HERC3: variants seen among roughly 807,000 people sequenced by gnomAD.
HERC3 encodes the protein HECT and RLD domain containing E3 ubiquitin protein ligase 3, also known as probable E3 ubiquitin-protein ligase HERC3.
A neutral mutation model predicts 129.9 loss-of-function variants in HERC3; 58 were observed. That is an observed-to-expected ratio of 0.45 (90% CI 0.36 to 0.56). The LOEUF (loss-of-function observed/expected upper bound fraction) is 0.56. Among genes scored for constraint, HERC3 ranks in the 20% least tolerant of loss-of-function variants. HERC3 has a pLI of 0.00. For missense variants in HERC3, 835 were observed against 1,244.2 expected, an observed-to-expected ratio of 0.67 and a Z score of 4.95; for synonymous variants, 430 against 451.0, an observed-to-expected ratio of 0.95 and a Z score of 0.59.
intron 2 of HERC3, among the ~76,000 whole-genome samples, chr4:88,601,795 G>A (rs1299049195): frequency 0.16 from 20,421 of 125,230 alleles, 4,432 homozygotes; most frequent in African/African-American, 0.53. Context: ...GGTGGCTTAC[G>A]CCTGTAATCC....
chr4:88,544,887 A>G, the HERC3 span, among the ~76,000 whole-genome samples: 1 of 152,050 alleles, frequency 6.6e-6, no homozygotes, highest in Non-Finnish European at 1.5e-5. Context: ...AGCATCACAC[A>G]CTGGGGCCTG....
rs532515500 is a variant in HERC3, at chr4:88,595,841, C to CTTT, written c.-30+252_-30+254dup. On this transcript the variant is annotated intron_variant, in intron 2 of 25. Transcript: ENST00000402738. ...TGGTCTCTGCTTCAAGCACTTAATT[C>CTTT]TTTTTTTTTTTTTTTTTTTTTTTTT... is the stretch of plus-strand genomic sequence containing the variant. 3.2e-4 allele frequency among the ~76,000 whole-genome samples: 26 copies of CTTT among 80,244 alleles called. 1 individual carries two copies. Among genetic ancestry groups the CTTT allele is most frequent in the East Asian group, 4.6e-4 (1 of 2,196 alleles). The allele number at this position is 80,244 out of a possible 152,430, so 52.6% of individuals were successfully genotyped here.
intron 3 of HERC3, among the ~76,000 whole-genome samples, chr4:88,619,867 G>A (rs1019825297): frequency 2.0e-5 from 3 of 152,192 alleles, no homozygotes; most frequent in African/African-American, 4.8e-5. Flanking sequence ...ATGAAAACGA[G>A]ATTCCACTTT....
At chr4:88,646,726 A>G (rs1728727295) in intron 3 of HERC3, among the ~76,000 whole-genome samples, 1 of 152,160 alleles carries the variant, frequency 6.6e-6, no homozygotes, top group African/African-American at 2.4e-5. Context: ...ATTCATCAGC[A>G]CACTGGGCTG....
chr4:88,533,890 A>G, the HERC3 span, among the ~76,000 whole-genome samples: 1 of 152,212 alleles, frequency 6.6e-6, no homozygotes, highest in African/African-American at 2.4e-5. Context: ...AAAGTTATTT[A>G]TGCTTGGTTT....
intron 7 of HERC3, among the ~76,000 whole-genome samples, chr4:88,654,716 A>C (rs1173860390): frequency 6.6e-6 from 1 of 151,954 alleles, no homozygotes; most frequent in African/African-American, 2.4e-5. Flanking sequence ...TTTTATATTG[A>C]ACAAATATTA....
the HERC3 span, chr4:88,524,006 G>A: frequency 6.1e-5 from 24 of 395,718 alleles, no homozygotes; most frequent in Non-Finnish European, 1.0e-4. Context: ...TTTTCACCGG[G>A]GCCTGTCCAA....
intron 16 of HERC3, among the ~76,000 whole-genome samples, chr4:88,671,157 GCTCTTTAGGAT>G (rs1270652259): frequency 2.0e-5 from 3 of 152,076 alleles, no homozygotes; most frequent in Non-Finnish European, 4.4e-5. Context: ...TATATGCAAG[GCTCTTTAGGAT>G]CTCCCATCTG....
chr4:88,565,356 T>C, the HERC3 span, among the ~76,000 whole-genome samples: 5 of 152,190 alleles, frequency 3.3e-5, no homozygotes, highest in Non-Finnish European at 5.9e-5. Context: ...GCTATTATTG[T>C]ATTGGGGTCT....
chr4:88,658,605 CTA>C, intron 10 of HERC3, 114 bp downstream of exon 10: 1 of 514,030 alleles, frequency 1.9e-6, no homozygotes, highest in Non-Finnish European at 3.4e-6. Flanking sequence ...TCTACCAATC[CTA>C]TGTTATTTTT....
Position 88,618,687 on chromosome 4 carries a change from C to G in HERC3, c.226+12638C>G, listed in dbSNP as rs58269983. On this transcript the variant is annotated intron_variant, in intron 3 of 25. Transcript: ENST00000402738. Reference sequence around the variant, plus strand: ...GAAGGAAGGTACCAGTACATTCCACCTAAGGTTGGGCAGGACCTCTGTACC... The same window carrying G: ...GAAGGAAGGTACCAGTACATTCCACGTAAGGTTGGGCAGGACCTCTGTACC... Among the ~76,000 whole-genome samples, 74 of 152,168 alleles carry G rather than the reference C, an allele frequency of 4.9e-4. 1 individual carries two copies. Among genetic ancestry groups the G allele is most frequent in the Non-Finnish European group, 7.4e-5 (5 of 68,026 alleles).
intron 11 of HERC3, among the ~76,000 whole-genome samples, chr4:88,663,666 G>A (rs1730739314): frequency 1.3e-5 from 2 of 152,272 alleles, no homozygotes; most frequent in Admixed American, 1.3e-4. Context: ...CTCAGAGCCT[G>A]TATAATAGAA....
the HERC3 span, among the ~76,000 whole-genome samples, chr4:88,562,522 A>C: frequency 6.6e-6 from 1 of 151,950 alleles, no homozygotes; most frequent in African/African-American, 2.4e-5. Context: ...CCATGTGTCC[A>C]TTTTTTGCTT....
intron 8 of HERC3, 92 bp downstream of exon 8, chr4:88,655,396 C>T: frequency 7.0e-7 from 1 of 1,420,948 alleles, no homozygotes. Flanking sequence ...TACCTAGTCA[C>T]CGTCATTTTA....
chr4:88,575,035 T>C, the HERC3 span, among the ~76,000 whole-genome samples: 12 of 152,314 alleles, frequency 7.9e-5, no homozygotes, highest in East Asian at 2.3e-3. Context: ...TTAAAACTCA[T>C]GTAGACAGAG....
At chr4:88,705,865 G>A (rs1384539692) in intron 25 of HERC3, among the ~76,000 whole-genome samples, 1 of 152,130 alleles carries the variant, frequency 6.6e-6, no homozygotes, top group African/African-American at 2.4e-5. Flanking sequence ...AAGGATGAGA[G>A]GAAGTGGAGA....
At chr4:88,576,688 C>T in the HERC3 span, among the ~76,000 whole-genome samples, 1 of 152,046 alleles carries the variant, frequency 6.6e-6, no homozygotes. Context: ...CTAATCAAGG[C>T]CTCTGCTATT....
intron 23 of HERC3, chr4:88,693,619 A>G (rs1360877126): frequency 1.0e-6 from 1 of 964,292 alleles, no homozygotes; most frequent in Non-Finnish European, 1.2e-6. Context: ...TAAAATGGTT[A>G]ATTTTATGTT....
At chr4:88,555,037 G>A in the HERC3 span, among the ~76,000 whole-genome samples, 1 of 152,098 alleles carries the variant, frequency 6.6e-6, no homozygotes, top group Non-Finnish European at 1.5e-5. Flanking sequence ...TGTAATCCCA[G>A]CCCTTTGGGA....
Sources: gnomAD v4.1 joint callset for allele counts (sites outside exome capture counted in the v4.1 genomes callset) on GRCh38, gnomAD v4.1.1 for gene constraint, MANE v1.5 for transcripts, NCBI Gene and HGNC (gene_info 2026-07-23, HGNC 2026-07-21) for gene names.